Variants in GRIP2 observed in about 807,000 individuals in gnomAD.
GRIP2 encodes the protein glutamate receptor interacting protein 2.
GRIP2 carries 58 observed loss-of-function variants against 108.3 expected under a neutral mutation model. The ratio of observed to expected loss-of-function variants is 0.54; its 90% confidence interval spans 0.43 to 0.67. The LOEUF (loss-of-function observed/expected upper bound fraction) is 0.67. Ranked by LOEUF, GRIP2 falls within the 30% of genes least tolerant of loss-of-function variation. The probability of loss-of-function intolerance (pLI) is 0.00; values close to 1 mark genes in which losing one functional copy is unlikely to be tolerated. For missense variants in GRIP2, 1,278 were observed against 1,430.6 expected (o/e 0.89, Z 1.72); for synonymous variants, 586 against 598.2 (o/e 0.98, Z 0.30).
intron 19 of GRIP2, among the ~76,000 whole-genome samples, chr3:14,506,141 G>C (rs1278258109): frequency 6.6e-6 from 1 of 152,228 alleles, no homozygotes; most frequent in Non-Finnish European, 1.5e-5. Context: ...CAGAGAGCTG[G>C]AGATGGGGAA....
chr3:14,552,393 C>T lies in GRIP2; in HGVS notation c.55+3507G>A, dbSNP rs537373458. 4.6e-5 allele frequency among the ~76,000 whole-genome samples: 7 copies of T among 152,222 alleles called. No homozygotes were observed. In the South Asian group the frequency reaches 1.5e-3, roughly 32 times the overall value. On this transcript the variant is annotated intron_variant, in intron 1 of 23. Transcript: ENST00000637182. Reference sequence around the variant, plus strand: ...ACAGGGGTTTGTGTCTGTCTTGTGCCCTGTTGTACCCCAAGGGCCTAGAAC... The same window carrying T: ...ACAGGGGTTTGTGTCTGTCTTGTGCTCTGTTGTACCCCAAGGGCCTAGAAC...
intron 17 of GRIP2, among the ~76,000 whole-genome samples, chr3:14,509,448 G>C (rs1433059839): frequency 6.6e-6 from 1 of 152,234 alleles, no homozygotes; most frequent in Non-Finnish European, 1.5e-5. Flanking sequence ...GAAAGCCCTA[G>C]GCAGTGCTGG....
the GRIP2 span, among the ~76,000 whole-genome samples, chr3:14,589,334 A>T: frequency 2.6e-5 from 4 of 152,242 alleles, no homozygotes; most frequent in African/African-American, 9.6e-5. Flanking sequence ...ATGTATTCAC[A>T]GTTGCTTCTA....
chr3:14,545,356 C>T (rs61106684), upstream of GRIP2, among the ~76,000 whole-genome samples: 800 of 152,352 alleles, frequency 5.3e-3, 9 homozygotes, highest in African/African-American at 0.017. Flanking sequence ...TGACAGCATC[C>T]CCACCCAGTG....
At chr3:14,561,995 G>A in the GRIP2 span, among the ~76,000 whole-genome samples, 4 of 152,236 alleles carry the variant, frequency 2.6e-5, no homozygotes, top group East Asian at 1.9e-4. Context: ...AGGCTTCGAG[G>A]TGCTAATATT....
At chr3:14,572,791 G>T in the GRIP2 span, 2 of 680,650 alleles carry the variant, frequency 2.9e-6, no homozygotes, top group Non-Finnish European at 5.0e-6. Context: ...GAGGCTCAGG[G>T]TTGTCGTGTC....
At chr3:14,595,709 G>A in the GRIP2 span, among the ~76,000 whole-genome samples, 1 of 152,206 alleles carries the variant, frequency 6.6e-6, no homozygotes, top group Admixed American at 6.5e-5. Context: ...ATGCACACAC[G>A]CAGGGAGGGG....
At chr3:14,540,406 T>C, upstream of GRIP2, 1 of 1,606,796 alleles carries the variant, frequency 6.2e-7, no homozygotes, top group Non-Finnish European at 8.5e-7. The surrounding 1 kb of genome is among the most constrained non-coding windows in gnomAD (Gnocchi z 4.1). Context: ...GGAGGGAAGC[T>C]CACAGCTCCC....
chr3:14,569,122 C>T, the GRIP2 span, among the ~76,000 whole-genome samples: 99 of 152,346 alleles, frequency 6.5e-4, no homozygotes, highest in African/African-American at 2.3e-3. Context: ...CAGACGCCCC[C>T]GCCTTATGGG....
At chr3:14,495,953 C>T (rs1202839148) in intron 22 of GRIP2, among the ~76,000 whole-genome samples, 1 of 152,022 alleles carries the variant, frequency 6.6e-6, no homozygotes, top group East Asian at 1.9e-4. Context: ...TGAGACCAGC[C>T]TGGGCAACCT....
intron 1 of GRIP2, among the ~76,000 whole-genome samples, chr3:14,551,699 G>C (rs6784180): frequency 6.6e-6 from 1 of 151,964 alleles, no homozygotes; most frequent in African/African-American, 2.4e-5. Flanking sequence ...CAACCGAGGG[G>C]TCCCTTGGAC....
upstream of GRIP2, among the ~76,000 whole-genome samples, chr3:14,543,530 G>C (rs1695011495): frequency 1.3e-5 from 2 of 152,244 alleles, no homozygotes; most frequent in Non-Finnish European, 2.9e-5. Context: ...TAGGACATGA[G>C]AAGAGGCAAA....
At chr3:14,534,743 G>A (rs1427825185) in intron 1 of GRIP2, among the ~76,000 whole-genome samples, 1 of 152,092 alleles carries the variant, frequency 6.6e-6, no homozygotes, top group Non-Finnish European at 1.5e-5. Context: ...TCAGGCCCAC[G>A]CTGCAGCCGG....
chr3:14,520,780 G>A (rs1019544790), intron 7 of GRIP2: 1 of 539,848 alleles, frequency 1.9e-6, no homozygotes, highest in African/African-American at 1.9e-5. Flanking sequence ...GTGATCCCAG[G>A]GCTTTGCTGG....
At chr3:14,525,767 G>A (rs1414373451) in intron 2 of GRIP2, 84 bp downstream of exon 2, 14 of 1,380,160 alleles carry the variant, frequency 1.0e-5, no homozygotes, top group Non-Finnish European at 1.0e-6. Context: ...CAAGTCAGTG[G>A]CAGAGCCGTT....
At chr3:14,588,747 T>G in the GRIP2 span, among the ~76,000 whole-genome samples, 2 of 152,136 alleles carry the variant, frequency 1.3e-5, no homozygotes, top group Non-Finnish European at 2.9e-5. Flanking sequence ...CCTAGAAAAA[T>G]TACCATCCCT....
At chr3:14,558,894 G>A (rs1032279530), upstream of GRIP2, among the ~76,000 whole-genome samples, 2 of 152,244 alleles carry the variant, frequency 1.3e-5, no homozygotes, top group African/African-American at 4.8e-5. Context: ...TCAGCTGCAA[G>A]AGGGATAACC....
chr3:14,521,499 T>C lies in GRIP2; in HGVS notation c.712+143A>G. The C allele has an allele frequency of 2.3e-6, 2 of 858,290 alleles. No homozygotes were observed. 53.2% of individuals were successfully genotyped at this position (858,290 alleles called of 1,614,324 possible). A position where few individuals can be genotyped will look rare whatever the true frequency, so the allele number is the denominator to read the frequency against. The stretch of plus-strand genomic sequence containing the variant: ...ATCAAACAATGCCTAGCACATACTA[T>C]TTACTGCCCAGAGAAGCTGTGACTG... On this transcript the variant is annotated intron_variant, in intron 7 of 23. Coordinates refer to ENST00000621039, the MANE Select transcript of GRIP2 (RefSeq NM_001080423.4). This position sits in a 1 kb window ranked among gnomAD's most constrained non-coding sequence, Gnocchi z 5.1.
At chr3:14,599,862 G>C in the GRIP2 span, among the ~76,000 whole-genome samples, 2 of 151,720 alleles carry the variant, frequency 1.3e-5, no homozygotes, top group South Asian at 4.2e-4. Context: ...CACAAACACA[G>C]TCACACACAC....
Sources: allele counts gnomAD v4.1 joint callset (sites outside exome capture counted in the v4.1 genomes callset), GRCh38; gene constraint gnomAD v4.1.1; non-coding constraint Gnocchi (gnomAD v3.1); transcripts MANE v1.5; gene names NCBI Gene and HGNC (gene_info 2026-07-23, HGNC 2026-07-21).